Variants in ARHGEF39 observed in about 807,000 individuals in gnomAD.
The protein encoded by ARHGEF39 is Rho guanine nucleotide exchange factor 39, also known as Rho guanine nucleotide exchange factor (GEF) 39.
ARHGEF39 carries 45 observed loss-of-function variants against 47.5 expected under a neutral mutation model. That is an observed-to-expected ratio of 0.95 (90% CI 0.75 to 1.22). The LOEUF (loss-of-function observed/expected upper bound fraction) is 1.22, where lower values mean the gene tolerates loss of function less well. Ranked by LOEUF, ARHGEF39 falls within the 50% of genes most tolerant of loss-of-function variation. ARHGEF39 has a pLI of 0.00. For missense variants in ARHGEF39, 411 were observed against 425.3 expected (o/e 0.97, Z 0.30); for synonymous variants, 164 against 167.8 (o/e 0.98, Z 0.17).
chr9:35,661,921 T>G lies in ARHGEF39; in HGVS notation c.*66A>C. 6.5e-7 allele frequency: 1 copy of G among 1,550,032 alleles called. No individual in the cohort carries two copies. Among genetic ancestry groups the G allele is most frequent in the Non-Finnish European group, 8.8e-7 (1 of 1,137,482 alleles). ...TTCTGTTTTGTTCAGTACTGAAGAT[T>G]CCTTTGTACTCTTGGCTGTGACCTA... On this transcript the variant is annotated 3_prime_UTR_variant, in exon 9 of 9. Coordinates refer to ENST00000378387, the MANE Select transcript of ARHGEF39 (RefSeq NM_032818.3).
chr9:35,661,401 C>A lies in ARHGEF39; in HGVS notation c.*586G>T. ...GCCCGCGTTCAGGGCCCAAAAATCC[C>A]TTTTCTCATAGCAAAACTGAGACAG... is the stretch of plus-strand genomic sequence containing the variant. On this transcript the variant is annotated 3_prime_UTR_variant, in exon 9 of 9. Transcript: ENST00000378387. 4.4e-6 allele frequency: 2 copies of A among 456,774 alleles called. No individual in the cohort carries two copies. The highest frequency in any genetic ancestry group is 7.7e-6 in the Non-Finnish European group (2 of 260,106). The allele number at this position is 456,774 out of a possible 1,614,324, so 28.3% of individuals were successfully genotyped here. A position where few individuals can be genotyped will look rare whatever the true frequency, so the allele number is the denominator to read the frequency against.
chr9:35,661,529 C>T lies in ARHGEF39; in HGVS notation c.*458G>A. 1 of 444,372 alleles carries T rather than the reference C, an allele frequency of 2.3e-6. No individual in the cohort carries two copies. Among genetic ancestry groups the T allele is most frequent in the South Asian group, 6.7e-5 (1 of 15,016 alleles). 27.5% of individuals were successfully genotyped at this position (444,372 alleles called of 1,614,324 possible). ...CATAAAAATAGCCACATTTACAAAG[C>T]TGCAGCCTTGATAAATGACGGGCCA... On this transcript the variant is annotated 3_prime_UTR_variant, in exon 9 of 9. Transcript: ENST00000378387.
In ARHGEF39 at chr9:35,664,439, A is replaced by C; in HGVS notation, c.287T>G (p.Phe96Cys). 6.2e-7 allele frequency: 1 copy of C among 1,610,328 alleles called. No individual in the cohort carries two copies. The highest frequency in any genetic ancestry group is 1.1e-5 in the South Asian group (1 of 90,708). ...GTTATAGAGCTCCAAGTGGCGGCAG[A>C]AGCCCTCCAGCCCTTGGCCCCAGCA... ...GGCWGQGLEG[F>C]CRHLELYNQF... The change falls in exon 3 of 9, where the codon TTC becomes TGC. Residue 96 changes from phenylalanine to cysteine, a missense_variant. Transcript: ENST00000378387.
Position 35,663,016 on chromosome 9 carries a change from C to G in ARHGEF39, c.603G>C (p.Gln201His), listed in dbSNP as rs370873323. 3.7e-5 allele frequency: 60 copies of G among 1,611,112 alleles called. 1 individual carries two copies. Among genetic ancestry groups the G allele is most frequent in the Non-Finnish European group, 4.9e-5 (58 of 1,177,718 alleles). Residue 201 changes from glutamine (Q) to histidine (H), a missense_variant, in exon 6 of 9, where the codon CAG (glutamine) becomes CAC (histidine). Transcript: ENST00000378387. ...AQRVHTIGQK[Q>H]KNDQHLRRVQ... ...CACGCCGAAGGTGCTGGTCATTCTTCTGTTTCTGACCAATAGTATGGACTC... is the reference window on the plus strand; with the variant it reads ...CACGCCGAAGGTGCTGGTCATTCTTGTGTTTCTGACCAATAGTATGGACTC...
At position 35,659,684 on chromosome 9, in the gene ARHGEF39, A is replaced by G. The variant is rs1823789747; in HGVS notation, c.*2303T>C. 1 of 152,256 alleles carries G rather than the reference A, an allele frequency of 6.6e-6. No individual in the cohort carries two copies. Among genetic ancestry groups the G allele is most frequent in the Admixed American group, 6.5e-5 (1 of 15,288 alleles). The allele number at this position is 152,256 out of a possible 1,614,324, so 9.4% of individuals were successfully genotyped here. A position where few individuals can be genotyped will look rare whatever the true frequency, so the allele number is the denominator to read the frequency against. On this transcript the variant is annotated 3_prime_UTR_variant, in exon 9 of 9. Transcript: ENST00000378387. ...GTAAAGACTGACGTTAATAAACCAG[A>G]AAAAACTCAGGAAAGTGGGTGAGGG... is the stretch of plus-strand genomic sequence containing the variant.
chr9:35,661,759 C>G lies in ARHGEF39; in HGVS notation c.*228G>C, dbSNP rs1001076608. On this transcript the variant is annotated 3_prime_UTR_variant, in exon 9 of 9. Transcript: ENST00000378387. ...GAACTCCTGGGCTGGAATGATCCTG[C>G]CACCTCTGCTTCCCAAAGTGCTGGG... The G allele has an allele frequency of 2.7e-5, 14 of 514,176 alleles. No individual in the cohort carries two copies. In the Admixed American group the frequency reaches 3.5e-4, roughly 13 times the overall value. 31.9% of individuals were successfully genotyped at this position (514,176 alleles called of 1,614,324 possible). A position where few individuals can be genotyped will look rare whatever the true frequency, so the allele number is the denominator to read the frequency against.
Position 35,662,624 on chromosome 9 carries a change from A to G in ARHGEF39, c.791T>C (p.Leu264Pro), listed in dbSNP as rs1260526022. 1.9e-6 allele frequency: 3 copies of G among 1,614,078 alleles called. No homozygotes were observed. Among genetic ancestry groups the G allele is most frequent in the Non-Finnish European group, 2.5e-6 (3 of 1,179,992 alleles). ...VLLMAKPRPP[L>P]HLLRSGTFAC... The stretch of plus-strand genomic sequence containing the variant: ...AAAGGTGCCACTCCGCAGCAGGTGC[A>G]GTGGAGGCCGAGGCTTGGCCATGAG... The change falls in exon 7 of 9, where the codon CTG (leucine) becomes CCG (proline). Residue 264 changes from leucine to proline, a missense_variant. Coordinates refer to ENST00000378387, the MANE Select transcript of ARHGEF39 (RefSeq NM_032818.3).
chr9:35,661,102 C>T lies in ARHGEF39; in HGVS notation c.*885G>A. On this transcript the variant is annotated 3_prime_UTR_variant, in exon 9 of 9. Coordinates refer to ENST00000378387, the MANE Select transcript of ARHGEF39 (RefSeq NM_032818.3). Reference sequence around the variant, plus strand: ...GGACTACGGAGAAGGTGCAGCCAGGCTGTGGCAAAGGGCCCCAGTCACAGC... The same window carrying T: ...GGACTACGGAGAAGGTGCAGCCAGGTTGTGGCAAAGGGCCCCAGTCACAGC... The T allele has an allele frequency of 6.2e-7, 1 of 1,614,116 alleles. No homozygotes were observed. The highest frequency in any genetic ancestry group is 8.5e-7 in the Non-Finnish European group (1 of 1,179,990).
chr9:35,661,161 C>G lies in ARHGEF39; in HGVS notation c.*826G>C, dbSNP rs749959956. ...GGAAGGAGGGACGACAGCTGAAGGTCGACTAAAACAAAGTCTGTTTTCATG... is the reference window on the plus strand; with the variant it reads ...GGAAGGAGGGACGACAGCTGAAGGTGGACTAAAACAAAGTCTGTTTTCATG... On this transcript the variant is annotated 3_prime_UTR_variant, in exon 9 of 9. Transcript: ENST00000378387. 3 of 1,603,916 alleles carry G rather than the reference C, an allele frequency of 1.9e-6. No individual in the cohort carries two copies. The African/African-American group carries it at 4.0e-5, about 22-fold the overall frequency.
intron 3 of ARHGEF39, 77 bp downstream of exon 3, chr9:35,664,295 C>T: frequency 6.5e-7 from 1 of 1,542,512 alleles, no homozygotes; most frequent in Non-Finnish European, 8.8e-7. Flanking sequence ...TCTATAAATG[C>T]AGGAAATGTA....
In ARHGEF39 at chr9:35,661,366, C is replaced by T; in HGVS notation, c.*621G>A. 3.9e-6 allele frequency: 2 copies of T among 515,624 alleles called. No individual in the cohort carries two copies. Among genetic ancestry groups the T allele is most frequent in the South Asian group, 6.8e-5 (2 of 29,444 alleles). The allele number at this position is 515,624 out of a possible 1,614,324, so 31.9% of individuals were successfully genotyped here. On this transcript the variant is annotated 3_prime_UTR_variant, in exon 9 of 9. Coordinates refer to ENST00000378387, the MANE Select transcript of ARHGEF39 (RefSeq NM_032818.3). ...AGCTCTTTTCCTCGTATTCCTGAGG[C>T]CACCAGCATGCCCGCGTTCAGGGCC...
rs372741760 is a variant in ARHGEF39, at chr9:35,661,279, CCTT to C, written c.*705_*707del. The C allele has an allele frequency of 9.0e-5, 79 of 875,430 alleles. No individual in the cohort carries two copies. In the East Asian group the frequency reaches 1.9e-3, roughly 21 times the overall value. 54.2% of individuals were successfully genotyped at this position (875,430 alleles called of 1,614,324 possible). The stretch of plus-strand genomic sequence containing the variant: ...CAACTGGGCCTTCTTGAAGAGCTGT[CCTT>C]ATTAGGACAAAAAGAGGCTGCCTTC... On this transcript the variant is annotated 3_prime_UTR_variant, in exon 9 of 9. Coordinates refer to ENST00000378387, the MANE Select transcript of ARHGEF39 (RefSeq NM_032818.3).
At position 35,664,502 on chromosome 9, in the gene ARHGEF39, C is replaced by T. The variant is rs1179364640; in HGVS notation, c.234-10G>A. 6.3e-7 allele frequency: 1 copy of T among 1,586,474 alleles called. No individual in the cohort carries two copies. The highest frequency in any genetic ancestry group is 1.4e-5 in the African/African-American group (1 of 73,510). On this transcript the variant is annotated splice_polypyrimidine_tract_variant and intron_variant, in intron 2 of 8. Coordinates refer to ENST00000378387, the MANE Select transcript of ARHGEF39 (RefSeq NM_032818.3). ...GTAGGGAAGCAGCTCCCTGTGTGGG[C>T]AAGGACAGCAAAAGGGCAGCTCTAG... is the stretch of plus-strand genomic sequence containing the variant.
chr9:35,664,872 G>T, intron 1 of ARHGEF39, 22 bp from the exon 2 acceptor site: 1 of 1,602,762 alleles, frequency 6.2e-7, no homozygotes, highest in Non-Finnish European at 8.5e-7. Context: ...GAGAACATTG[G>T]TTCTTAGCCT....
chr9:35,664,790 A>G lies in ARHGEF39; in HGVS notation c.199T>C (p.Phe67Leu), dbSNP rs754247665. ...TLRPPERQALFGSWELIYGAS... is the reference protein window; with the variant it reads ...TLRPPERQALLGSWELIYGAS... ...CCGTAGATGAGCTCCCAGGAGCCAA[A>G]CAGGGCCTGGCGCTCAGGTGGTCGC... Residue 67 changes from phenylalanine (F) to leucine (L), a missense_variant, in exon 2 of 9, where the codon TTT becomes CTT. Phe to Leu is a conservative substitution (Grantham distance 22, BLOSUM62 0). Transcript: ENST00000378387. 6.2e-7 allele frequency: 1 copy of G among 1,612,970 alleles called. No individual in the cohort carries two copies. The highest frequency in any genetic ancestry group is 1.7e-5 in the Admixed American group (1 of 60,018).
At chr9:35,662,027 A>G in intron 8 of ARHGEF39, 25 bp from the exon 9 acceptor site, 1 of 1,613,790 alleles carries the variant, frequency 6.2e-7, no homozygotes, top group Non-Finnish European at 8.5e-7. Flanking sequence ...CAGTCAGTTC[A>G]GGCACTGGTA....
At chr9:35,662,324 G>A (rs1177775011) in intron 7 of ARHGEF39, 57 bp from the exon 8 acceptor site, 1 of 1,546,490 alleles carries the variant, frequency 6.5e-7, no homozygotes, top group Non-Finnish European at 8.9e-7. Flanking sequence ...TAAAGCTGAA[G>A]CCCTTGCTGT....
chr9:35,665,035 G>A lies in ARHGEF39; in HGVS notation c.135C>T (p.Ala45=), dbSNP rs918610976. Reference sequence around the variant, plus strand: ...GAGCGTGTGCCAGGTCCCCCACCGTGGCCACCAGCCCCAGCTGTTCTTGGT... The same window carrying A: ...GAGCGTGTGCCAGGTCCCCCACCGTAGCCACCAGCCCCAGCTGTTCTTGGT... ...RRYQEQLGLV[A]TYFLGILKAK... is the part of the protein sequence containing the mutation. Residue 45 remains alanine, a synonymous_variant, in exon 1 of 9, where the codon GCC becomes GCT. Transcript: ENST00000378387. 3.2e-6 allele frequency: 5 copies of A among 1,557,306 alleles called. No individual in the cohort carries two copies. In the Admixed American group the frequency reaches 7.7e-5, roughly 24 times the overall value.
chr9:35,664,492 C>A lies in ARHGEF39; in HGVS notation c.234G>T (p.Gln78His). 2 of 1,596,622 alleles carry A rather than the reference C, an allele frequency of 1.3e-6. No individual in the cohort carries two copies. Among genetic ancestry groups the A allele is most frequent in the South Asian group, 2.3e-5 (2 of 88,624 alleles). Residue 78 changes from glutamine (Q) to histidine (H), a missense_variant and splice_region_variant, in exon 3 of 9, where the codon CAG becomes CAT. By Grantham distance (24) the Gln-to-His change is conservative (BLOSUM62 0). Transcript: ENST00000378387. ...CTCCTTCCAGGTAGGGAAGCAGCTC[C>A]CTGTGTGGGCAAGGACAGCAAAAGG... ...GSWELIYGAS[Q>H]ELLPYLEGGC...
Sources: allele counts gnomAD v4.1 joint callset, GRCh38; gene constraint gnomAD v4.1.1; transcripts MANE v1.5; gene names NCBI Gene and HGNC (gene_info 2026-07-23, HGNC 2026-07-21).